SLC9A4: variants seen among roughly 807,000 people sequenced by gnomAD.
SLC9A4 encodes solute carrier family 9 member A4.
A neutral mutation model predicts 67.4 loss-of-function variants in SLC9A4; 63 were observed. The observed-to-expected ratio is 0.93, with a 90% CI of 0.76 to 1.15. The LOEUF (loss-of-function observed/expected upper bound fraction) is 1.15, where lower values mean the gene tolerates loss of function less well. SLC9A4 is among the 50% of genes most tolerant of loss of function. The pLI, the probability that SLC9A4 is intolerant of heterozygous loss-of-function variation, is 0.00. For synonymous variants in SLC9A4, 393 were observed against 367.2 expected (o/e 1.07, Z -0.80); for missense variants, 1,089 against 987.7 (o/e 1.10, Z -1.38).
intron 2 of SLC9A4, among the ~76,000 whole-genome samples, chr2:102,497,275 C>T (rs1684829184): frequency 6.6e-6 from 1 of 152,194 alleles, no homozygotes; most frequent in South Asian, 2.1e-4. Context: ...TTTCTTAAAA[C>T]TTTCACGTGT....
At chr2:102,525,767 G>A (rs1558674697) in intron 10 of SLC9A4, among the ~76,000 whole-genome samples, 2 of 152,136 alleles carry the variant, frequency 1.3e-5, no homozygotes, top group Admixed American at 1.3e-4. Flanking sequence ...ATTTTATCAT[G>A]AGAGGGGAAG....
At chr2:102,510,272 C>CAGATACAGATATATAGATAT in intron 6 of SLC9A4, among the ~76,000 whole-genome samples, 1 of 126,324 alleles carries the variant, frequency 7.9e-6, no homozygotes, top group Non-Finnish European at 1.7e-5. Context: ...GATACAGATA[C>CAGATACAGATATATAGATAT]AGATATAGAT....
At chr2:102,518,004 A>C (rs1288230685) in intron 8 of SLC9A4, among the ~76,000 whole-genome samples, 2 of 152,208 alleles carry the variant, frequency 1.3e-5, no homozygotes, top group African/African-American at 4.8e-5. Context: ...TTGCTAATGA[A>C]GTGGCATGAA....
At chr2:102,475,943 C>T (rs1684321494) in intron 1 of SLC9A4, among the ~76,000 whole-genome samples, 1 of 152,068 alleles carries the variant, frequency 6.6e-6, no homozygotes, top group Non-Finnish European at 1.5e-5. Context: ...AATTAATAAT[C>T]ATTATTATGA....
chr2:102,512,394 C>A, intron 7 of SLC9A4, 121 bp downstream of exon 7: 1 of 1,033,312 alleles, frequency 9.7e-7, no homozygotes. Context: ...CCTGAGCCAT[C>A]CCCTACAGGA....
At chr2:102,478,700 G>C (rs1684384850) in intron 1 of SLC9A4, 139 bp from the exon 2 acceptor site, 1 of 789,988 alleles carries the variant, frequency 1.3e-6, no homozygotes, top group Non-Finnish European at 2.0e-6. Context: ...GACACTACCA[G>C]TTCCTGCTAC....
At chr2:102,515,865 C>G (rs1447136519) in intron 8 of SLC9A4, among the ~76,000 whole-genome samples, 2 of 152,032 alleles carry the variant, frequency 1.3e-5, no homozygotes. Flanking sequence ...CTGGTAGGGT[C>G]ATGACGTTAA....
chr2:102,482,297 G>A, intron 2 of SLC9A4, among the ~76,000 whole-genome samples: 1 of 152,112 alleles, frequency 6.6e-6, no homozygotes, highest in Non-Finnish European at 1.5e-5. Context: ...TCTGGGAGTT[G>A]AACCTAGAAA....
intron 1 of SLC9A4, among the ~76,000 whole-genome samples, chr2:102,474,522 A>G (rs997187264): frequency 6.6e-6 from 1 of 152,194 alleles, no homozygotes; most frequent in African/African-American, 2.4e-5. Flanking sequence ...GGCAACTTGT[A>G]TTACTCAGTG....
chr2:102,483,329 G>T (rs1411043940), intron 2 of SLC9A4, among the ~76,000 whole-genome samples: 2 of 152,128 alleles, frequency 1.3e-5, no homozygotes, highest in African/African-American at 4.8e-5. Flanking sequence ...AAAAGGAACG[G>T]GTACTTGCTG....
At chr2:102,524,471 G>GT (rs1276864115) in intron 9 of SLC9A4, among the ~76,000 whole-genome samples, 7 of 151,582 alleles carry the variant, frequency 4.6e-5, no homozygotes, top group East Asian at 1.9e-4. Flanking sequence ...TTGAAGGACT[G>GT]TTTTTTTTAA....
chr2:102,475,237 A>G (rs1684303090), intron 1 of SLC9A4, among the ~76,000 whole-genome samples: 2 of 152,248 alleles, frequency 1.3e-5, no homozygotes, highest in South Asian at 2.1e-4. Flanking sequence ...ACAGTCTAAC[A>G]TCTTTTGTGA....
chr2:102,517,270 GA>G (rs1685293963), intron 8 of SLC9A4, among the ~76,000 whole-genome samples: 1 of 152,212 alleles, frequency 6.6e-6, no homozygotes, highest in East Asian at 1.9e-4. Flanking sequence ...CTTGTCTTCT[GA>G]GCCCACTTTT....
intron 8 of SLC9A4, among the ~76,000 whole-genome samples, chr2:102,515,688 C>T (rs902228063): frequency 3.3e-5 from 5 of 151,774 alleles, no homozygotes; most frequent in Non-Finnish European, 5.9e-5. Flanking sequence ...TTGCATTGAC[C>T]TTTATATCTA....
intron 2 of SLC9A4, among the ~76,000 whole-genome samples, chr2:102,500,821 G>A (rs1684914420): frequency 6.6e-6 from 1 of 152,086 alleles, no homozygotes; most frequent in Non-Finnish European, 1.5e-5. Flanking sequence ...TCTTTAGAAG[G>A]GAGAGCAAGG....
chr2:102,520,037 CT>C, intron 9 of SLC9A4, 82 bp downstream of exon 9: 1 of 1,156,154 alleles, frequency 8.6e-7, no homozygotes, highest in South Asian at 1.4e-5. Context: ...ATGTTCAAGT[CT>C]CCTGATGTTC....
intron 2 of SLC9A4, among the ~76,000 whole-genome samples, chr2:102,487,231 AAG>A (rs1684607077): frequency 6.7e-6 from 1 of 149,034 alleles, no homozygotes; most frequent in Admixed American, 6.6e-5. Flanking sequence ...GAAGTAAACC[AAG>A]AGAGAGAGAA....
intron 1 of SLC9A4, 134 bp downstream of exon 1, chr2:102,474,149 G>C: frequency 6.4e-6 from 7 of 1,085,552 alleles, no homozygotes; most frequent in Non-Finnish European, 9.1e-6. Flanking sequence ...CTTCCCTTCA[G>C]TCAAGGGAAA....
At chr2:102,528,324 TA>T (rs1367029083) in intron 11 of SLC9A4, among the ~76,000 whole-genome samples, 3 of 152,150 alleles carry the variant, frequency 2.0e-5, no homozygotes, top group African/African-American at 7.2e-5. Flanking sequence ...TTAATTTTTT[TA>T]AACCATCTTC....
Sources: gnomAD v4.1 joint callset for allele counts (sites outside exome capture counted in the v4.1 genomes callset) on GRCh38, gnomAD v4.1.1 for gene constraint, MANE v1.5 for transcripts, NCBI Gene and HGNC (gene_info 2026-07-23, HGNC 2026-07-21) for gene names.